Variants in DGKB observed in about 807,000 individuals in gnomAD.
DGKB encodes the protein 90 kDa diacylglycerol kinase.
A neutral mutation model predicts 114.3 loss-of-function variants in DGKB; 67 were observed. That is an observed-to-expected ratio of 0.59 (90% confidence interval 0.48 to 0.72). The LOEUF (loss-of-function observed/expected upper bound fraction) is 0.72. DGKB is among the 30% of genes least tolerant of loss of function. The pLI, the probability that DGKB is intolerant of heterozygous loss-of-function variation, is 0.00. For synonymous variants in DGKB, 398 were observed against 323.1 expected (o/e 1.23, Z -2.49); for missense variants, 907 against 975.2 (o/e 0.93, Z 0.93).
At chr7:14,789,493 G>A (rs542349713) in intron 2 of DGKB, among the ~76,000 whole-genome samples, 1 of 152,262 alleles carries the variant, frequency 6.6e-6, no homozygotes, top group African/African-American at 2.4e-5. Flanking sequence ...GCATTCACCA[G>A]TTGAAGACTA....
chr7:14,383,027 T>C (rs576079380), intron 21 of DGKB, among the ~76,000 whole-genome samples: 2 of 152,372 alleles, frequency 1.3e-5, no homozygotes, highest in Non-Finnish European at 2.9e-5. Flanking sequence ...GGTAATATTT[T>C]GACAGTTTTG....
intron 1 of DGKB, among the ~76,000 whole-genome samples, chr7:14,966,572 G>A (rs928384700): frequency 6.6e-6 from 1 of 152,088 alleles, no homozygotes; most frequent in Non-Finnish European, 1.5e-5. Flanking sequence ...CTAACGTGCT[G>A]AGATTACAGG....
At chr7:14,294,273 T>C (rs904159521) in intron 23 of DGKB, among the ~76,000 whole-genome samples, 3 of 152,158 alleles carry the variant, frequency 2.0e-5, no homozygotes, top group Non-Finnish European at 4.4e-5. Flanking sequence ...ACCTTATCCA[T>C]CTGCAACCTC....
At chr7:14,626,555 A>C (rs995721863) in intron 14 of DGKB, among the ~76,000 whole-genome samples, 1 of 152,208 alleles carries the variant, frequency 6.6e-6, no homozygotes, top group Non-Finnish European at 1.5e-5. Context: ...CACATTCAGC[A>C]GGGCTTACGA....
intron 6 of DGKB, among the ~76,000 whole-genome samples, chr7:14,710,684 T>C (rs911173987): frequency 2.0e-5 from 3 of 152,134 alleles, no homozygotes; most frequent in African/African-American, 7.2e-5. Flanking sequence ...TTTATTTCGC[T>C]AAGAATTTTT....
intron 1 of DGKB, among the ~76,000 whole-genome samples, chr7:14,921,680 C>T (rs546158859): frequency 6.6e-6 from 1 of 152,246 alleles, no homozygotes; most frequent in African/African-American, 2.4e-5. Context: ...ATAATTGACC[C>T]AAAATGTCAA....
At chr7:14,241,661 A>AAGT (rs1454294651) in intron 23 of DGKB, among the ~76,000 whole-genome samples, 4 of 152,102 alleles carry the variant, frequency 2.6e-5, no homozygotes, top group African/African-American at 9.7e-5. Flanking sequence ...TAAAATGAAC[A>AAGT]AGTAAAATTT....
intron 9 of DGKB, among the ~76,000 whole-genome samples, chr7:14,687,619 G>T (rs1442118208): frequency 6.6e-6 from 1 of 151,870 alleles, no homozygotes; most frequent in African/African-American, 2.4e-5. Flanking sequence ...GTTAAATATG[G>T]GGTTGTTAAT....
chr7:14,183,371 A>T (rs897474086), intron 23 of DGKB, among the ~76,000 whole-genome samples: 5 of 152,196 alleles, frequency 3.3e-5, no homozygotes, highest in African/African-American at 1.2e-4. Flanking sequence ...ATAAATTTTA[A>T]AAGGGGGTGG....
chr7:14,622,693 C>A (rs567274944), intron 14 of DGKB, among the ~76,000 whole-genome samples: 1 of 152,082 alleles, frequency 6.6e-6, no homozygotes, highest in East Asian at 1.9e-4. Context: ...CCTAATGAAT[C>A]ATTCTACTTC....
chr7:14,332,176 C>G (rs538124846), intron 23 of DGKB, among the ~76,000 whole-genome samples: 1 of 152,124 alleles, frequency 6.6e-6, no homozygotes, highest in Non-Finnish European at 1.5e-5. Flanking sequence ...CGTACTGGCC[C>G]CTATTCTAAG....
chr7:14,663,627 T>TCCCTTCCG, intron 13 of DGKB, among the ~76,000 whole-genome samples: 1 of 144,650 alleles, frequency 6.9e-6, no homozygotes, highest in Admixed American at 7.0e-5. Flanking sequence ...CCTCCCTTCC[T>TCCCTTCCG]CCCTTCCTCC....
rs1185724495 is a variant in DGKB at position 14,146,190 on chromosome 7, G to T, written c.*2941C>A. On this transcript the variant is annotated 3_prime_UTR_variant, in exon 26 of 26. Coordinates refer to ENST00000402815, the MANE Select transcript of DGKB (RefSeq NM_001350709.2). ...AAATACATGGTGTACACAAGGAAGT[G>T]GAAAAAATAAATTTACGTCTTTTAA... 1 of 152,132 alleles carries T rather than the reference G, an allele frequency of 6.6e-6. No individual in the cohort carries two copies. The highest frequency in any genetic ancestry group is 2.4e-5 in the African/African-American group (1 of 41,420). The allele number at this position is 152,132 out of a possible 1,614,324, so 9.4% of individuals were successfully genotyped here.
intron 18 of DGKB, among the ~76,000 whole-genome samples, chr7:14,582,087 A>T (rs1360384323): frequency 6.6e-6 from 1 of 152,162 alleles, no homozygotes; most frequent in Non-Finnish European, 1.5e-5. Flanking sequence ...GCATTGACTA[A>T]ATAGGTGTCT....
At chr7:14,567,911 G>T (rs139415586) in intron 20 of DGKB, among the ~76,000 whole-genome samples, 207 of 151,594 alleles carry the variant, frequency 1.4e-3, no homozygotes, top group Non-Finnish European at 2.5e-3. Flanking sequence ...CCAGCCAGAT[G>T]ACCTGTGTCT....
At chr7:14,375,891 T>C (rs1193919455) in intron 21 of DGKB, among the ~76,000 whole-genome samples, 1 of 152,198 alleles carries the variant, frequency 6.6e-6, no homozygotes, top group Admixed American at 6.5e-5. Context: ...GAATAAAGGA[T>C]GAGTAAATTT....
chr7:14,904,032 C>T (rs976857951), upstream of DGKB, among the ~76,000 whole-genome samples: 2 of 152,182 alleles, frequency 1.3e-5, no homozygotes, highest in Admixed American at 6.5e-5. Context: ...TTATTGGCTG[C>T]TCTCATTAAT....
chr7:14,577,387 G>C (rs1050871798), intron 19 of DGKB, among the ~76,000 whole-genome samples: 4 of 152,152 alleles, frequency 2.6e-5, no homozygotes, highest in Non-Finnish European at 5.9e-5. Flanking sequence ...GGAGGTCAAG[G>C]CGGGTGGATC....
intron 20 of DGKB, among the ~76,000 whole-genome samples, chr7:14,570,453 A>G (rs528893850): frequency 2.6e-5 from 4 of 152,232 alleles, no homozygotes; most frequent in East Asian, 3.9e-4. Flanking sequence ...AGACAAAAAA[A>G]TTGGAGCATA....
Sources: allele counts gnomAD v4.1 joint callset (sites outside exome capture counted in the v4.1 genomes callset), GRCh38; gene constraint gnomAD v4.1.1; transcripts MANE v1.5; gene names NCBI Gene and HGNC (gene_info 2026-07-23, HGNC 2026-07-21).